ACACA: variants seen among roughly 807,000 people sequenced by gnomAD.
The protein encoded by ACACA is acetyl-CoA carboxylase alpha.
Under a neutral mutation model 296.1 loss-of-function variants are expected in ACACA, and 103 were observed. The ratio of observed to expected loss-of-function variants is 0.35; its 90% CI spans 0.30 to 0.41. The LOEUF (loss-of-function observed/expected upper bound fraction) is 0.41. Among genes scored for constraint, ACACA ranks in the 10% least tolerant of loss-of-function variants. The probability of loss-of-function intolerance (pLI) is 1.00; values close to 1 mark genes in which losing one functional copy is unlikely to be tolerated. For missense variants in ACACA, 1,554 were observed against 2,989.7 expected (o/e 0.52, Z 11.20); for synonymous variants, 953 against 1,038.6 (o/e 0.92, Z 1.58).
chr17:37,236,422 A>C (rs921026004), intron 24 of ACACA, among the ~76,000 whole-genome samples: 1 of 152,152 alleles, frequency 6.6e-6, no homozygotes, highest in Non-Finnish European at 1.5e-5. Context: ...TAAAAAGAAC[A>C]CATTTACCCG....
intron 1 of ACACA, among the ~76,000 whole-genome samples, chr17:37,373,890 T>C (rs2049897617): frequency 6.6e-6 from 1 of 151,994 alleles, no homozygotes; most frequent in African/African-American, 2.4e-5. Context: ...AGGAAGGCAA[T>C]GGAGCCCCTC....
chr17:37,198,217 G>A (rs2078091141), intron 35 of ACACA, among the ~76,000 whole-genome samples: 1 of 152,062 alleles, frequency 6.6e-6, no homozygotes, highest in South Asian at 2.1e-4. Context: ...TAATCACTTT[G>A]GTTTGCTAAA....
Position 37,243,484 on chromosome 17 carries a change from T to A in ACACA, c.2818A>T (p.Met940Leu). The A allele has an allele frequency of 6.2e-7, 1 of 1,614,198 alleles. No individual in the cohort carries two copies. The highest frequency in any genetic ancestry group is 8.5e-7 in the Non-Finnish European group (1 of 1,180,016). Reference sequence around the variant, plus strand: ...GGAATGCGGCCAGACACACTGGTCATAATATCTTGCAATTCTAGGAGAGGC... The same window carrying A: ...GGAATGCGGCCAGACACACTGGTCAAAATATCTTGCAATTCTAGGAGAGGC... The part of the protein sequence containing the change: ...SLPLLELQDI[M>L]TSVSGRIPPN... The change falls in exon 22 of 56, where the codon ATG becomes TTG. Residue 940 changes from methionine to leucine, a missense_variant. This residue lies in a region of ACACA where 316 missense variants were observed against 540.9 expected (regional missense o/e 0.58). Coordinates refer to ENST00000616317, the MANE Select transcript of ACACA (RefSeq NM_198834.3).
intron 2 of ACACA, 92 bp downstream of exon 2, chr17:37,339,712 A>G (rs1445494003): frequency 3.6e-6 from 3 of 840,256 alleles, no homozygotes; most frequent in Non-Finnish European, 5.9e-6. Flanking sequence ...TGTGGAAGTC[A>G]ACTTTTAACA....
chr17:37,250,267 AAG>A (rs1281168313), intron 16 of ACACA, among the ~76,000 whole-genome samples: 2 of 152,218 alleles, frequency 1.3e-5, no homozygotes, highest in African/African-American at 2.4e-5. Flanking sequence ...GAACAGAGGT[AAG>A]AGAGAGACTT....
chr17:37,143,968 C>T (rs1248414767), intron 45 of ACACA: 20 of 931,512 alleles, frequency 2.1e-5, no homozygotes, highest in Admixed American at 3.4e-5. Flanking sequence ...GATTTTTGGG[C>T]GATACTCAGA....
chr17:37,123,916 T>G (rs1339502395), intron 48 of ACACA, among the ~76,000 whole-genome samples: 1 of 152,254 alleles, frequency 6.6e-6, no homozygotes, highest in African/African-American at 2.4e-5. Context: ...TTATTGAACT[T>G]GAAAACAGCT....
At chr17:37,335,662 G>A (rs1096037) in intron 2 of ACACA, among the ~76,000 whole-genome samples, 3,633 of 152,144 alleles carry the variant, frequency 0.024, 132 homozygotes, top group African/African-American at 0.083. Flanking sequence ...AGTGCTAGGC[G>A]GAGTAGCTAC....
At chr17:37,348,498 C>CA (rs1412926392) in intron 1 of ACACA, among the ~76,000 whole-genome samples, 1 of 152,100 alleles carries the variant, frequency 6.6e-6, no homozygotes, top group Non-Finnish European at 1.5e-5. Context: ...GAAATAACAA[C>CA]AGAAGCTTGA....
At chr17:37,192,802 G>A (rs1442185985) in intron 36 of ACACA, among the ~76,000 whole-genome samples, 1 of 151,914 alleles carries the variant, frequency 6.6e-6, no homozygotes, top group African/African-American at 2.4e-5. Flanking sequence ...GAGATATTTG[G>A]CTTTGGAACA....
intron 29 of ACACA, chr17:37,221,446 T>A (rs1245941498): frequency 1.3e-5 from 6 of 454,494 alleles, no homozygotes; most frequent in East Asian, 1.2e-4. Flanking sequence ...GCTAGTAAAT[T>A]CTTTCTAATT....
chr17:37,352,023 C>T (rs1209798002), intron 1 of ACACA, among the ~76,000 whole-genome samples: 3 of 151,404 alleles, frequency 2.0e-5, no homozygotes, highest in South Asian at 2.1e-4. Flanking sequence ...CTCCGCCTCC[C>T]GGGTTCATGC....
chr17:37,404,067 C>A (rs1387326521), intron 1 of ACACA, among the ~76,000 whole-genome samples: 1 of 152,202 alleles, frequency 6.6e-6, no homozygotes, highest in African/African-American at 2.4e-5. Context: ...GCCACTGTGC[C>A]TGGCCCCTGA....
intron 1 of ACACA, among the ~76,000 whole-genome samples, chr17:37,389,838 C>G (rs527865294): frequency 6.6e-6 from 1 of 151,476 alleles, no homozygotes; most frequent in Non-Finnish European, 1.5e-5. Context: ...GTGGGCAATC[C>G]TTCTTATGTC....
chr17:37,319,153 T>G (rs1227701219), intron 3 of ACACA, among the ~76,000 whole-genome samples: 1 of 151,810 alleles, frequency 6.6e-6, no homozygotes, highest in Non-Finnish European at 1.5e-5. Context: ...AGGTGGGGGG[T>G]GGTAATGTGA....
At chr17:37,168,412 T>C (rs1358081573) in intron 41 of ACACA, among the ~76,000 whole-genome samples, 1 of 151,816 alleles carries the variant, frequency 6.6e-6, no homozygotes, top group Non-Finnish European at 1.5e-5. Flanking sequence ...TTTTATAAAA[T>C]AAAAAATAAC....
At chr17:37,193,293 C>T (rs1047697181) in intron 36 of ACACA, 81 bp downstream of exon 36, 19 of 1,048,304 alleles carry the variant, frequency 1.8e-5, no homozygotes, top group Non-Finnish European at 2.8e-5. Context: ...GCAAGAAGAA[C>T]GTATGGCAAA....
chr17:37,351,115 G>C (rs754460469), intron 1 of ACACA, among the ~76,000 whole-genome samples: 1 of 151,958 alleles, frequency 6.6e-6, no homozygotes, highest in Non-Finnish European at 1.5e-5. Context: ...ACTCCAGCCT[G>C]GGCAACAAAG....
intron 1 of ACACA, among the ~76,000 whole-genome samples, chr17:37,390,304 T>TTTTATATATATATATTATATA (rs1201500381): frequency 5.6e-5 from 1 of 17,988 alleles, no homozygotes; most frequent in African/African-American, 3.8e-4. Flanking sequence ...TTATACATAA[T>TTTTATATATATATATTATATA]TATATATATA....
Sources: gnomAD v4.1 joint callset for allele counts (sites outside exome capture counted in the v4.1 genomes callset) on GRCh38, gnomAD v4.1.1 for gene constraint, gnomAD v4.1.1 regional missense constraint, MANE v1.5 for transcripts, NCBI Gene and HGNC (gene_info 2026-07-23, HGNC 2026-07-21) for gene names.